ROBO2: variants seen among roughly 807,000 people sequenced by gnomAD.
ROBO2 encodes roundabout guidance receptor 2.
A neutral mutation model predicts 160.8 loss-of-function variants in ROBO2; 53 were observed. The observed-to-expected ratio is 0.33, with a 90% confidence interval of 0.26 to 0.41. ROBO2 has a LOEUF of 0.41. ROBO2 is among the 10% of genes least tolerant of loss of function. ROBO2 has a pLI of 1.00. For synonymous variants in ROBO2, 664 were observed against 611.7 expected, an observed-to-expected ratio of 1.09 and a Z score of -1.26; for missense variants, 1,577 against 1,722.4, an observed-to-expected ratio of 0.92 and a Z score of 1.49.
At chr3:76,666,049 A>G (rs2092032913) in intron 2 of ROBO2, among the ~76,000 whole-genome samples, 1 of 144,924 alleles carries the variant, frequency 6.9e-6, no homozygotes, top group South Asian at 2.1e-4. Flanking sequence ...TATACTAGAT[A>G]TATGCCTCTA....
At position 76,039,914 on chromosome 3, in the gene ROBO2, C is replaced by T. The variant is rs192421120; in HGVS notation, c.109+102312C>T. Among the ~76,000 whole-genome samples the T allele has an allele frequency of 9.7e-3, 1,471 of 152,100 alleles. 12 individuals carry two copies. The highest frequency in any genetic ancestry group is 0.015 in the Non-Finnish European group (1,034 of 68,014). On this transcript the variant is annotated intron_variant, in intron 2 of 26. Coordinates refer to the ROBO2 transcript ENST00000487694. ...CCACTTCGGAGAATAAATGACATGA[C>T]ATCCTGTGGTTCCTTTGAATTCTGT... is the stretch of plus-strand genomic sequence containing the variant.
chr3:77,423,320 T>C (rs1403436506), intron 2 of ROBO2, among the ~76,000 whole-genome samples: 1 of 152,174 alleles, frequency 6.6e-6, no homozygotes, highest in Non-Finnish European at 1.5e-5. Flanking sequence ...GACATTATTT[T>C]ATAAGAAGTA....
chr3:76,990,919 G>A (rs753060501), intron 2 of ROBO2, among the ~76,000 whole-genome samples: 1 of 152,116 alleles, frequency 6.6e-6, no homozygotes, highest in Non-Finnish European at 1.5e-5. Context: ...CCCCTCCCAA[G>A]TGCTGGCGGG....
In ROBO2 at chr3:77,595,194, G is replaced by A. The variant is rs747115195; in HGVS notation, c.2726+10G>A. The A allele has an allele frequency of 1.7e-5, 28 of 1,600,492 alleles. No individual in the cohort carries two copies. The Middle Eastern group carries it at 6.6e-4, about 38-fold the overall frequency. On this transcript the variant is annotated intron_variant, in intron 18 of 25. Coordinates refer to ENST00000461745, the Ensembl canonical transcript of ROBO2. Reference sequence around the variant, plus strand: ...TAATGAGCAATGGAAGGTATGCTACGGAGATTGTTTCATTATTATTTTTAT... The same window carrying A: ...TAATGAGCAATGGAAGGTATGCTACAGAGATTGTTTCATTATTATTTTTAT...
intron 2 of ROBO2, among the ~76,000 whole-genome samples, chr3:76,486,739 C>T (rs895708001): frequency 3.3e-5 from 5 of 152,092 alleles, no homozygotes; most frequent in Non-Finnish European, 7.4e-5. Context: ...AAAATGATAG[C>T]TAATACTTTT....
At chr3:76,699,015 A>G (rs984031702) in intron 2 of ROBO2, among the ~76,000 whole-genome samples, 2 of 152,162 alleles carry the variant, frequency 1.3e-5, no homozygotes, top group African/African-American at 2.4e-5. Flanking sequence ...GTCCTTATGG[A>G]CATCTTTCTG....
At chr3:76,560,579 A>T (rs939001438) in intron 2 of ROBO2, among the ~76,000 whole-genome samples, 1 of 150,218 alleles carries the variant, frequency 6.7e-6, no homozygotes, top group Non-Finnish European at 1.5e-5. Flanking sequence ...TACTGATATG[A>T]CTACTAGTAC....
chr3:76,766,434 TA>T, intron 2 of ROBO2, among the ~76,000 whole-genome samples: 1 of 151,624 alleles, frequency 6.6e-6, no homozygotes, highest in African/African-American at 2.4e-5. Flanking sequence ...AGTGTTGCTG[TA>T]AAGTGTAAAT....
chr3:76,935,141 TG>T (rs1438177318), intron 2 of ROBO2, among the ~76,000 whole-genome samples: 8 of 151,856 alleles, frequency 5.3e-5, no homozygotes, highest in South Asian at 2.1e-4. Context: ...TTAGTAGAGA[TG>T]GTGTTTCTCC....
At chr3:76,501,180 G>A (rs188779857) in intron 2 of ROBO2, among the ~76,000 whole-genome samples, 1 of 152,220 alleles carries the variant, frequency 6.6e-6, no homozygotes, top group African/African-American at 2.4e-5. Flanking sequence ...CTTTATTTTG[G>A]AGAGGGACAT....
At chr3:76,609,984 T>G (rs750734794) in intron 2 of ROBO2, among the ~76,000 whole-genome samples, 16 of 152,202 alleles carry the variant, frequency 1.1e-4, no homozygotes, top group Non-Finnish European at 1.8e-4. Context: ...TCATTCTGTT[T>G]ATATGACATA....
In ROBO2 at chr3:76,627,666, A is replaced by G. The variant is rs903696739; in HGVS notation, c.110-470348A>G. Among the ~76,000 whole-genome samples the G allele has an allele frequency of 4.1e-5, 4 of 97,056 alleles. No individual in the cohort carries two copies. In the South Asian group the frequency reaches 1.2e-3, roughly 28 times the overall value. 63.7% of individuals were successfully genotyped at this position (97,056 alleles called of 152,430 possible). On this transcript the variant is annotated intron_variant, in intron 2 of 26. Transcript: ENST00000487694. ...GAAAGTCTGTTTTATTTGATTTTTC[A>G]GAAAGCAATAAGGAAAAAAAGTGCA... is the stretch of plus-strand genomic sequence containing the variant.
At chr3:77,485,639 C>G (rs2085263097) in intron 4 of ROBO2, among the ~76,000 whole-genome samples, 1 of 152,112 alleles carries the variant, frequency 6.6e-6, no homozygotes, top group African/African-American at 2.4e-5. Context: ...ATGTTTTCAT[C>G]AATTAGATTT....
At chr3:76,994,936 A>G (rs1261209755) in intron 2 of ROBO2, among the ~76,000 whole-genome samples, 1 of 152,070 alleles carries the variant, frequency 6.6e-6, no homozygotes, top group East Asian at 1.9e-4. Flanking sequence ...TAATTTGAGC[A>G]TAGATTTACT....
rs115783098 is a variant in ROBO2 at position 76,068,602 on chromosome 3, T to C, written c.109+131000T>C. Among the ~76,000 whole-genome samples, 296 of 152,330 alleles carry C rather than the reference T, an allele frequency of 1.9e-3. 3 individuals carry two copies. The highest frequency in any genetic ancestry group is 6.8e-3 in the African/African-American group (281 of 41,584). On this transcript the variant is annotated intron_variant, in intron 2 of 26. Coordinates refer to the ROBO2 transcript ENST00000487694. ...TCTTGCTAATTAATCATATTCTTCA[T>C]ATGCAAACATGCTACAATTATTCTT...
At chr3:76,442,991 T>G (rs375780062) in intron 2 of ROBO2, among the ~76,000 whole-genome samples, 181 of 152,182 alleles carry the variant, frequency 1.2e-3, no homozygotes, top group African/African-American at 3.7e-3. Flanking sequence ...AAAAGGTTTA[T>G]TTGGTTCACA....
At chr3:76,741,105 T>C (rs2093795042) in intron 2 of ROBO2, among the ~76,000 whole-genome samples, 2 of 152,072 alleles carry the variant, frequency 1.3e-5, no homozygotes, top group African/African-American at 4.8e-5. Flanking sequence ...ACATTTCTAA[T>C]CTCATTGCTT....
chr3:77,297,422 G>A (rs1439339467), intron 2 of ROBO2, among the ~76,000 whole-genome samples: 1 of 152,030 alleles, frequency 6.6e-6, no homozygotes, highest in African/African-American at 2.4e-5. Context: ...TTTTGAAAAC[G>A]AGGGGAAGTT....
At chr3:77,313,742 G>A (rs144588809) in intron 2 of ROBO2, among the ~76,000 whole-genome samples, 2 of 152,004 alleles carry the variant, frequency 1.3e-5, no homozygotes, top group East Asian at 1.9e-4. Flanking sequence ...GCGCCACCAC[G>A]CCCAGCTAAT....
Sources: allele counts gnomAD v4.1 joint callset (sites outside exome capture counted in the v4.1 genomes callset), GRCh38; gene constraint gnomAD v4.1.1; transcripts MANE v1.5; gene names NCBI Gene and HGNC (gene_info 2026-07-23, HGNC 2026-07-21).